NEK8: variants seen among roughly 807,000 people sequenced by gnomAD.
The protein encoded by NEK8 is serine/threonine-protein kinase Nek8.
A neutral mutation model predicts 77.2 loss-of-function variants in NEK8; 51 were observed. That is an observed-to-expected ratio of 0.66 (90% CI 0.53 to 0.83). The LOEUF (loss-of-function observed/expected upper bound fraction) is 0.83. Among genes scored for constraint, NEK8 ranks in the 40% least tolerant of loss-of-function variants. The pLI, the probability that NEK8 is intolerant of heterozygous loss-of-function variation, is 0.00. For synonymous variants in NEK8, 365 were observed against 363.2 expected (o/e 1.00, Z -0.06); for missense variants, 787 against 909.2 (o/e 0.87, Z 1.73).
intron 10 of NEK8, among the ~76,000 whole-genome samples, chr17:28,739,722 C>T (rs1483078538): frequency 1.3e-5 from 2 of 152,066 alleles, no homozygotes; most frequent in Non-Finnish European, 2.9e-5. Flanking sequence ...GCTGGGATTA[C>T]AGGCGTGAGC....
chr17:28,738,279 C>G (rs1204226052), intron 8 of NEK8, 34 bp downstream of exon 8: 3 of 1,613,010 alleles, frequency 1.9e-6, no homozygotes, highest in African/African-American at 2.7e-5. Flanking sequence ...GGGACCTGCT[C>G]TGAGGCCCCA....
chr17:28,734,052 G>A lies in NEK8; in HGVS notation c.117G>A (p.Gln39=). The A allele has an allele frequency of 6.2e-7, 1 of 1,614,260 alleles. No homozygotes were observed. Among genetic ancestry groups the A allele is most frequent in the Non-Finnish European group, 8.5e-7 (1 of 1,180,042 alleles). Residue 39 remains glutamine, a synonymous_variant, in exon 2 of 15, where the codon CAG becomes CAA. Coordinates refer to ENST00000268766, the MANE Select transcript of NEK8 (RefSeq NM_178170.3). ...LVIIKQIPVE[Q]MTKEERQAAQ... ...TCATCAAGCAGATTCCAGTGGAACA[G>A]ATGACCAAGGAAGAGCGGCAGGCAG... is the stretch of plus-strand genomic sequence containing the variant.
In NEK8 at chr17:28,742,565, A is replaced by AAC; in HGVS notation, c.*579_*580insCA. The AAC allele has an allele frequency of 6.0e-6, 1 of 167,220 alleles. No homozygotes were observed. The highest frequency in any genetic ancestry group is 1.3e-4 in the South Asian group (1 of 7,800). The allele number at this position is 167,220 out of a possible 1,614,324, so 10.4% of individuals were successfully genotyped here. A position where few individuals can be genotyped will look rare whatever the true frequency, so the allele number is the denominator to read the frequency against. On this transcript the variant is annotated 3_prime_UTR_variant, in exon 15 of 15. Coordinates refer to ENST00000268766, the MANE Select transcript of NEK8 (RefSeq NM_178170.3). ...CAGACTCCGTCTCAAAAAAAAAAAA[A>AAC]AAACAAAAAAGGCTGAAGGCAGCTG...
In NEK8 at chr17:28,740,978, TG is replaced by T; in HGVS notation, c.1726del (p.Val576Ter). On this transcript the variant is annotated frameshift_variant, in exon 12 of 15. Coordinates refer to ENST00000268766, the MANE Select transcript of NEK8 (RefSeq NM_178170.3). LOFTEE classifies it high-confidence loss of function. This position sits in a 1 kb window ranked among gnomAD's most constrained non-coding sequence, Gnocchi z 4.7. The stretch of plus-strand genomic sequence containing the variant: ...ACCTGGGCACTGCTCACTCAGCTGC[TG>T]TGACTGGTGAGGAGGACTTGGGCTC... ...IDLGTAHSAA[V>X]TASGDCYTFG... The T allele has an allele frequency of 6.2e-7, 1 of 1,614,124 alleles. No individual in the cohort carries two copies. Among genetic ancestry groups the T allele is most frequent in the Non-Finnish European group, 8.5e-7 (1 of 1,179,992 alleles).
At position 28,741,569 on chromosome 17, in the gene NEK8, G is replaced by C. The variant is rs199635350; in HGVS notation, c.2048G>C (p.Arg683Pro). The change falls in exon 14 of 15, where the codon CGA (arginine) becomes CCA (proline). Residue 683 changes from arginine (R) to proline (P), a missense_variant and splice_region_variant. Physicochemically the swap from Arg to Pro is moderately radical, Grantham distance 103. This residue lies in a region of NEK8 where 516 missense variants were observed against 544.0 expected (regional missense o/e 0.95). Transcript: ENST00000268766. The surrounding 1 kb of genome is among the most constrained non-coding windows in gnomAD (Gnocchi z 4.5). ...CATGGAAACACCCTCCTGGCTGTTC[G>C]ATGTGAGTTGTAACTTTTCCCACTT... ...CCHGNTLLAV[R>P]SVTDEPVPP 1.9e-6 allele frequency: 3 copies of C among 1,614,022 alleles called. No homozygotes were observed. The highest frequency in any genetic ancestry group is 2.5e-6 in the Non-Finnish European group (3 of 1,179,998).
Position 28,741,041 on chromosome 17 carries a change from C to A in NEK8, c.1733-37C>A, listed in dbSNP as rs369585113. 4.4e-5 allele frequency: 71 copies of A among 1,613,990 alleles called. No homozygotes were observed. The African/African-American group carries it at 8.5e-4, about 19-fold the overall frequency. On this transcript the variant is annotated intron_variant, in intron 12 of 14. Transcript: ENST00000268766. This position sits in a 1 kb window ranked among gnomAD's most constrained non-coding sequence, Gnocchi z 4.5. ...GGGGGACTCACGGTCTCCTTGGTAC[C>A]CTGTTGAAGCACCCCTTTCCTTCCT...
intron 1 of NEK8, among the ~76,000 whole-genome samples, chr17:28,733,377 C>T (rs924687612): frequency 3.9e-5 from 6 of 152,146 alleles, no homozygotes; most frequent in Admixed American, 3.3e-4. Flanking sequence ...GAAGCCTGAT[C>T]TGGAGGTAAA....
Position 28,734,489 on chromosome 17 carries a change from C to T in NEK8, c.254-283C>T, listed in dbSNP as rs2034341595. 8.9e-6 allele frequency: 5 copies of T among 559,520 alleles called. No homozygotes were observed. In the East Asian group the frequency reaches 1.5e-4, roughly 17 times the overall value. 34.7% of individuals were successfully genotyped at this position (559,520 alleles called of 1,614,324 possible). A position where few individuals can be genotyped will look rare whatever the true frequency, so the allele number is the denominator to read the frequency against. On this transcript the variant is annotated intron_variant, in intron 2 of 14. Coordinates refer to ENST00000268766, the MANE Select transcript of NEK8 (RefSeq NM_178170.3). ...AGGAGATCGAGACCATCCTGTTTAA[C>T]ACGGGGAAACCCCGTCTCTACTAAA...
intron 1 of NEK8, among the ~76,000 whole-genome samples, chr17:28,730,995 G>A (rs1475148265): frequency 6.6e-6 from 1 of 150,874 alleles, no homozygotes; most frequent in African/African-American, 2.4e-5. Flanking sequence ...GCTCAGGCCT[G>A]TAATTCTAGC....
Position 28,740,669 on chromosome 17 carries a change from C to A in NEK8, c.1568+56C>A. The A allele has an allele frequency of 6.2e-7, 1 of 1,601,416 alleles. No homozygotes were observed. The highest frequency in any genetic ancestry group is 8.6e-7 in the Non-Finnish European group (1 of 1,168,758). ...CCCTGGCTCTCCTTGGCTGCAAGTG[C>A]TCCGTCCATCATTGCCTACCTTTCA... On this transcript the variant is annotated intron_variant, in intron 11 of 14. Coordinates refer to ENST00000268766, the MANE Select transcript of NEK8 (RefSeq NM_178170.3). This position sits in a 1 kb window ranked among gnomAD's most constrained non-coding sequence, Gnocchi z 4.7.
At chr17:28,738,387 A>C (rs956394712) in intron 8 of NEK8, 142 bp downstream of exon 8, 1 of 1,100,724 alleles carries the variant, frequency 9.1e-7, no homozygotes, top group African/African-American at 1.5e-5. Flanking sequence ...ACTATTGAGG[A>C]GATTTCCTTA....
intron 1 of NEK8, among the ~76,000 whole-genome samples, chr17:28,733,754 A>G (rs1249974830): frequency 6.6e-6 from 1 of 152,238 alleles, no homozygotes; most frequent in Non-Finnish European, 1.5e-5. Context: ...GTGGGAACTT[A>G]GAGATCAAGA....
At position 28,733,997 on chromosome 17, in the gene NEK8, G is replaced by A. The variant is rs2034335789; in HGVS notation, c.62G>A (p.Cys21Tyr). 5 of 1,614,174 alleles carry A rather than the reference G, an allele frequency of 3.1e-6. No individual in the cohort carries two copies. Among genetic ancestry groups the A allele is most frequent in the Non-Finnish European group, 4.2e-6 (5 of 1,180,014 alleles). The change falls in exon 2 of 15, where the codon TGC becomes TAC. Residue 21 changes from cysteine (C) to tyrosine (Y), a missense_variant. Transcript: ENST00000268766. ...CGTATCCCTAGGATTGTGCACCTGT[G>A]CCTGCGAAAGGCTGACCAGAAGCTG... is the stretch of plus-strand genomic sequence containing the variant. ...GRGAFGIVHL[C>Y]LRKADQKLVI...
At chr17:28,738,872 C>A in intron 9 of NEK8, 125 bp downstream of exon 9, 1 of 853,890 alleles carries the variant, frequency 1.2e-6, no homozygotes, top group Non-Finnish European at 2.0e-6. Context: ...AGCTTCCCAG[C>A]TGCACCTGCT....
intron 1 of NEK8, among the ~76,000 whole-genome samples, chr17:28,731,474 G>A (rs1165420094): frequency 6.6e-6 from 1 of 152,050 alleles, no homozygotes; most frequent in Non-Finnish European, 1.5e-5. Context: ...GGGAGGCGGA[G>A]GATGTAGTGA....
intron 8 of NEK8, 63 bp downstream of exon 8, chr17:28,738,308 C>T: frequency 6.3e-7 from 1 of 1,587,942 alleles, no homozygotes; most frequent in Non-Finnish European, 8.6e-7. Flanking sequence ...CTTCTCTCTT[C>T]TCTTGCAAAA....
At position 28,740,384 on chromosome 17, in the gene NEK8, T is replaced by A; in HGVS notation, c.1418-79T>A. On this transcript the variant is annotated intron_variant, in intron 10 of 14. Transcript: ENST00000268766. The surrounding 1 kb of genome is among the most constrained non-coding windows in gnomAD (Gnocchi z 4.7). Reference sequence around the variant, plus strand: ...AGAACAGAGAACTCATGCTGTTCCCTCCCCTCAGTGGGCCCTCCTCATTCG... The same window carrying A: ...AGAACAGAGAACTCATGCTGTTCCCACCCCTCAGTGGGCCCTCCTCATTCG... 1 of 1,244,050 alleles carries A rather than the reference T, an allele frequency of 8.0e-7. No individual in the cohort carries two copies. Among genetic ancestry groups the A allele is most frequent in the Non-Finnish European group, 1.2e-6 (1 of 842,774 alleles). The allele number at this position is 1,244,050 out of a possible 1,614,324, so 77.1% of individuals were successfully genotyped here. A position where few individuals can be genotyped will look rare whatever the true frequency, so the allele number is the denominator to read the frequency against.
intron 1 of NEK8, among the ~76,000 whole-genome samples, chr17:28,732,085 C>T (rs775112636): frequency 6.6e-6 from 1 of 151,192 alleles, no homozygotes; most frequent in Non-Finnish European, 1.5e-5. Flanking sequence ...CACCCACCAG[C>T]ATGCCTAGCT....
At position 28,738,131 on chromosome 17, in the gene NEK8, C is replaced by T; in HGVS notation, c.1108C>T (p.Pro370Ser). 2.5e-6 allele frequency: 4 copies of T among 1,614,028 alleles called. No homozygotes were observed. Among genetic ancestry groups the T allele is most frequent in the Non-Finnish European group, 3.4e-6 (4 of 1,179,942 alleles). ...PLGAGGGSLL[P>S]GAVEQPQPQF... ...AGGTGCAGGCGGAGGCAGTCTCCTT[C>T]CTGGGGCAGTGGAGCAGCCACAGCC... Residue 370 changes from proline (P) to serine (S), a missense_variant, in exon 8 of 15, where the codon CCT becomes TCT. Pro to Ser is a moderately conservative substitution (Grantham distance 74, BLOSUM62 -1). Coordinates refer to ENST00000268766, the MANE Select transcript of NEK8 (RefSeq NM_178170.3).
Sources: gnomAD v4.1 joint callset for allele counts (sites outside exome capture counted in the v4.1 genomes callset) on GRCh38, gnomAD v4.1.1 for gene constraint, gnomAD v4.1.1 regional missense constraint, Gnocchi (gnomAD v3.1) non-coding constraint, MANE v1.5 for transcripts, NCBI Gene and HGNC (gene_info 2026-07-23, HGNC 2026-07-21) for gene names.